Variants in PTK2 observed in about 807,000 individuals in gnomAD.
The protein encoded by PTK2 is protein tyrosine kinase 2, also known as focal adhesion kinase 1.
In PTK2, 45 loss-of-function variants were observed where a neutral mutation model predicts 150.1. The observed-to-expected ratio is 0.30, with a 90% CI of 0.24 to 0.38. The LOEUF (loss-of-function observed/expected upper bound fraction) is 0.38. Among genes scored for constraint, PTK2 ranks in the 10% least tolerant of loss-of-function variants. The pLI is 1.00. For missense variants in PTK2, 919 were observed against 1,307.3 expected (o/e 0.70, Z 4.58); for synonymous variants, 432 against 449.2 (o/e 0.96, Z 0.48).
chr8:140,908,556 T>C (rs769441667), intron 2 of PTK2, among the ~76,000 whole-genome samples: 2 of 152,240 alleles, frequency 1.3e-5, no homozygotes, highest in Non-Finnish European at 2.9e-5. Context: ...GGACAGGCTG[T>C]CTCTCATTAG....
rs1418747673 is a variant in PTK2, at chr8:140,793,394, A to G, written c.1094-10T>C. On this transcript the variant is annotated splice_polypyrimidine_tract_variant and intron_variant, in intron 12 of 31. Coordinates refer to ENST00000522684, the Ensembl canonical transcript of PTK2. ...AAAGCCCGTTCACCTTCTGCGGGGAAAAAGAAAAGAGATGCATAAGGCTCT... is the reference window on the plus strand; with the variant it reads ...AAAGCCCGTTCACCTTCTGCGGGGAGAAAGAAAAGAGATGCATAAGGCTCT... 1 of 1,609,016 alleles carries G rather than the reference A, an allele frequency of 6.2e-7. No individual in the cohort carries two copies. Among genetic ancestry groups the G allele is most frequent in the Non-Finnish European group, 8.5e-7 (1 of 1,178,664 alleles).
At chr8:140,956,047 C>T (rs2154609226) in intron 1 of PTK2, among the ~76,000 whole-genome samples, 1 of 152,318 alleles carries the variant, frequency 6.6e-6, no homozygotes, top group South Asian at 2.1e-4. Context: ...ATTTCAGCTC[C>T]TCCACTACGC....
At chr8:140,849,210 A>T (rs1210207030) in intron 5 of PTK2, among the ~76,000 whole-genome samples, 1 of 152,142 alleles carries the variant, frequency 6.6e-6, no homozygotes, top group Non-Finnish European at 1.5e-5. Context: ...TATAGATCTG[A>T]GATAGAATAA....
chr8:140,670,485 AACAAC>A (rs1475292218), intron 29 of PTK2, among the ~76,000 whole-genome samples: 22 of 36,964 alleles, frequency 6.0e-4, no homozygotes, highest in African/African-American at 1.5e-3. Flanking sequence ...AAAAAAAAAC[AACAAC>A]ACACACACAC....
intron 30 of PTK2, among the ~76,000 whole-genome samples, chr8:140,667,332 G>C (rs143495645): frequency 4.6e-5 from 7 of 152,296 alleles, no homozygotes; most frequent in Non-Finnish European, 7.4e-5. Context: ...TACTGGCTTA[G>C]AGCAAATTTC....
intron 26 of PTK2, among the ~76,000 whole-genome samples, chr8:140,698,834 C>T (rs766602406): frequency 3.3e-5 from 5 of 151,952 alleles, no homozygotes; most frequent in Admixed American, 2.0e-4. Context: ...AGGCTGGTCT[C>T]GAACTTCTGA....
At chr8:140,971,889 G>GCTTC (rs1472145360) in intron 1 of PTK2, among the ~76,000 whole-genome samples, 2 of 152,160 alleles carry the variant, frequency 1.3e-5, no homozygotes, top group African/African-American at 4.8e-5. Flanking sequence ...CAATTGAGGT[G>GCTTC]CTTCCATCTA....
At chr8:140,817,073 C>T (rs1452607594) in intron 10 of PTK2, among the ~76,000 whole-genome samples, 1 of 152,066 alleles carries the variant, frequency 6.6e-6, no homozygotes, top group Non-Finnish European at 1.5e-5. Context: ...CATCTGGCCC[C>T]CAGGGAGGAA....
chr8:140,857,253 A>C (rs997311485), intron 5 of PTK2, among the ~76,000 whole-genome samples: 5 of 152,140 alleles, frequency 3.3e-5, no homozygotes, highest in African/African-American at 9.7e-5. Flanking sequence ...CTTTGCACTT[A>C]ACTTTCTCTG....
At chr8:140,836,259 G>A (rs1025530750) in intron 7 of PTK2, among the ~76,000 whole-genome samples, 2 of 152,032 alleles carry the variant, frequency 1.3e-5, no homozygotes, top group Admixed American at 6.6e-5. Flanking sequence ...ACTTTATGTC[G>A]TTTCACTTAT....
intron 1 of PTK2, among the ~76,000 whole-genome samples, chr8:141,000,099 A>ACACACACACG (rs2100199440): frequency 6.7e-6 from 1 of 148,518 alleles, no homozygotes; most frequent in East Asian, 2.0e-4. Context: ...ACACACACAC[A>ACACACACACG]CACACACACA....
chr8:140,938,730 G>A (rs2100174598), intron 1 of PTK2, among the ~76,000 whole-genome samples: 1 of 152,162 alleles, frequency 6.6e-6, no homozygotes, highest in Non-Finnish European at 1.5e-5. Flanking sequence ...GCCACAGTAT[G>A]TCCTAAAATA....
chr8:140,733,103 G>C (rs1362718169), intron 22 of PTK2, among the ~76,000 whole-genome samples: 2 of 152,188 alleles, frequency 1.3e-5, no homozygotes, highest in African/African-American at 4.8e-5. Flanking sequence ...GATTGACTAA[G>C]CTGGTCATGC....
chr8:140,793,302 C>T (rs2100089627), intron 13 of PTK2, 52 bp downstream of exon 13: 19 of 1,566,984 alleles, frequency 1.2e-5, no homozygotes, highest in Admixed American at 5.6e-5. Context: ...ATAGAAATTT[C>T]CTTAAACTTT....
chr8:140,879,702 C>CCAAAAAAAAAAAAAAAAAAAA (rs2100148016), intron 3 of PTK2, 65 bp from the exon 4 acceptor site: 1 of 662,688 alleles, frequency 1.5e-6, no homozygotes, highest in Admixed American at 5.5e-5. Flanking sequence ...AAAAAAAAAA[C>CCAAAAAAAAAAAAAAAAAAAA]CAAAACAAAA....
intron 15 of PTK2, among the ~76,000 whole-genome samples, chr8:140,763,453 T>TA (rs2100070471): frequency 6.6e-6 from 1 of 152,108 alleles, no homozygotes; most frequent in Admixed American, 6.6e-5. Flanking sequence ...ATTTTTTTTT[T>TA]TATACTCAAG....
intron 1 of PTK2, among the ~76,000 whole-genome samples, chr8:140,986,872 G>C (rs2100193451): frequency 6.6e-6 from 1 of 152,076 alleles, no homozygotes; most frequent in Non-Finnish European, 1.5e-5. Flanking sequence ...TACCATAAAT[G>C]AAAATTAAAT....
intron 2 of PTK2, among the ~76,000 whole-genome samples, chr8:140,906,853 C>T (rs555718186): frequency 6.6e-6 from 1 of 152,176 alleles, no homozygotes; most frequent in South Asian, 2.1e-4. Flanking sequence ...TCCTAATTAC[C>T]CTGATTTGAT....
rs74364896 is a variant in PTK2 at position 140,971,393 on chromosome 8, C to T, written c.-122+29732G>A. Among the ~76,000 whole-genome samples the T allele has an allele frequency of 6.1e-4, 93 of 152,312 alleles. 2 individuals are homozygous for T. The East Asian group carries it at 0.018, about 29-fold the overall frequency. On this transcript the variant is annotated intron_variant, in intron 1 of 31. Coordinates refer to ENST00000522684, the Ensembl canonical transcript of PTK2. ...CTTGTAGACTTAACCATTGTCAGTTCCTTGAATTTGTCAGAAATAGAAACT... is the reference window on the plus strand; with the variant it reads ...CTTGTAGACTTAACCATTGTCAGTTTCTTGAATTTGTCAGAAATAGAAACT...
Sources: gnomAD v4.1 joint callset for allele counts (sites outside exome capture counted in the v4.1 genomes callset) on GRCh38, gnomAD v4.1.1 for gene constraint, MANE v1.5 for transcripts, NCBI Gene and HGNC (gene_info 2026-07-23, HGNC 2026-07-21) for gene names.